GSE1: variants seen among roughly 807,000 people sequenced by gnomAD.
GSE1 encodes the protein genetic suppressor element 1.
A neutral mutation model predicts 112.6 loss-of-function variants in GSE1; 32 were observed. The observed-to-expected ratio is 0.28, with a 90% CI of 0.21 to 0.38. GSE1 has a LOEUF of 0.38. GSE1 is among the 10% of genes least tolerant of loss of function. The probability of loss-of-function intolerance (pLI) is 1.00; values close to 1 mark genes in which losing one functional copy is unlikely to be tolerated. For missense variants in GSE1, 2,348 were observed against 1,699.2 expected (o/e 1.38, Z -6.71); for synonymous variants, 1,115 against 735.6 (o/e 1.52, Z -8.35).
intron 2 of GSE1, among the ~76,000 whole-genome samples, chr16:85,498,412 GACACACAGAC>G (rs2051252731): frequency 6.6e-6 from 1 of 151,498 alleles, no homozygotes; most frequent in South Asian, 2.1e-4. Flanking sequence ...CATACATCCA[GACACACAGAC>G]ACACACGGAC....
In GSE1 at chr16:85,666,231, C is replaced by G. The variant is rs1213979265; in HGVS notation, c.3014C>G (p.Ser1005Cys). The change falls in exon 13 of 16, where the codon TCC becomes TGC. Residue 1005 changes from serine (S) to cysteine (C), a missense_variant. Coordinates refer to ENST00000253458, the MANE Select transcript of GSE1 (RefSeq NM_014615.5). Reference sequence around the variant, plus strand: ...CCCAAGGACATTCCTGTGCCGCTGTCCCACAGCACCAATGGGAAGAGCAAG... The same window carrying G: ...CCCAAGGACATTCCTGTGCCGCTGTGCCACAGCACCAATGGGAAGAGCAAG... ...AAPKDIPVPL[S>C]HSTNGKSKPW... 3.1e-6 allele frequency: 5 copies of G among 1,613,770 alleles called. No homozygotes were observed. In the South Asian group the frequency reaches 4.4e-5, roughly 14 times the overall value.
chr16:85,671,037 G>T lies in GSE1; in HGVS notation c.3458G>T (p.Arg1153Leu). 1.2e-6 allele frequency: 2 copies of T among 1,612,968 alleles called. No individual in the cohort carries two copies. Among genetic ancestry groups the T allele is most frequent in the South Asian group, 1.1e-5 (1 of 91,016 alleles). ...ERQVLQTQCR[R>L]LEARHYSLSL... ...CAGGTGTTACAGACACAATGTAGAC[G>T]ACTGGAGGCCCGGCACTACAGCCTC... is the stretch of plus-strand genomic sequence containing the variant. Residue 1153 changes from arginine to leucine, a missense_variant, in exon 15 of 16, where the codon CGA becomes CTA. Physicochemically the swap from Arg to Leu is moderately radical, Grantham distance 102 (BLOSUM62 -2). Transcript: ENST00000253458.
At chr16:85,487,624 A>G (rs2050883495) in intron 2 of GSE1, among the ~76,000 whole-genome samples, 1 of 152,154 alleles carries the variant, frequency 6.6e-6, no homozygotes, top group Non-Finnish European at 1.5e-5. Flanking sequence ...TCTCGAATCC[A>G]GGTCCCCAAG....
At chr16:85,667,822 C>T (rs1183739352) in intron 13 of GSE1, among the ~76,000 whole-genome samples, 2 of 152,186 alleles carry the variant, frequency 1.3e-5, no homozygotes, top group African/African-American at 4.8e-5. Context: ...CACGCCATTT[C>T]TCTCCAGCCT....
At chr16:85,597,843 C>T (rs1197696576) in intron 1 of GSE1, among the ~76,000 whole-genome samples, 6 of 152,204 alleles carry the variant, frequency 3.9e-5, no homozygotes, top group Non-Finnish European at 1.5e-5. Context: ...TTTGCATTCG[C>T]TCTGTAGGAG....
intron 2 of GSE1, among the ~76,000 whole-genome samples, chr16:85,636,742 C>T (rs556430119): frequency 4.1e-4 from 63 of 152,190 alleles, no homozygotes; most frequent in Non-Finnish European, 7.2e-4. Flanking sequence ...GTGGTCCCGG[C>T]GGTCCCTGCT....
chr16:85,182,774 G>C (rs1438463205), intron 1 of GSE1, among the ~76,000 whole-genome samples: 1 of 152,124 alleles, frequency 6.6e-6, no homozygotes, highest in Non-Finnish European at 1.5e-5. Flanking sequence ...GGGAGGGACA[G>C]TGGATTGTTG....
intron 1 of GSE1, among the ~76,000 whole-genome samples, chr16:85,568,840 C>T (rs538149260): frequency 3.9e-5 from 6 of 152,178 alleles, no homozygotes; most frequent in Non-Finnish European, 7.3e-5. Flanking sequence ...GGGTTCACAG[C>T]GGTCTGTTCT....
chr16:85,213,635 T>C (rs2143680015), intron 1 of GSE1, among the ~76,000 whole-genome samples: 1 of 152,342 alleles, frequency 6.6e-6, no homozygotes, highest in Non-Finnish European at 1.5e-5. Flanking sequence ...CCGTGTGTGA[T>C]AGTCAGCAAG....
chr16:85,213,765 G>A lies in GSE1; in HGVS notation c.2283+41958G>A, dbSNP rs546938393. ...TTGAACTGAGCTCAGGCTCTGAGCC[G>A]ATTCTCAAAGAGTGAAGAACATTGA... On this transcript the variant is annotated intron_variant, in intron 1 of 2. Transcript: ENST00000637419. Among the ~76,000 whole-genome samples the A allele has an allele frequency of 3.0e-4, 46 of 152,344 alleles. No individual in the cohort carries two copies. In the South Asian group the frequency reaches 7.7e-3, roughly 25 times the overall value.
intron 2 of GSE1, among the ~76,000 whole-genome samples, chr16:85,478,231 A>G (rs1404178141): frequency 2.0e-5 from 3 of 152,112 alleles, no homozygotes; most frequent in African/African-American, 7.2e-5. Flanking sequence ...GCTGAGGAAT[A>G]TTCCATGGCA....
At chr16:85,618,868 T>C (rs1358950825) in intron 1 of GSE1, among the ~76,000 whole-genome samples, 1 of 152,240 alleles carries the variant, frequency 6.6e-6, no homozygotes, top group African/African-American at 2.4e-5. Context: ...CTCACTGTGT[T>C]GCCCAGGGTG....
intron 2 of GSE1, among the ~76,000 whole-genome samples, chr16:85,636,293 C>T (rs13336296): frequency 1.1e-4 from 17 of 152,194 alleles, no homozygotes; most frequent in Non-Finnish European, 2.1e-4. Flanking sequence ...ACCTCACCCC[C>T]TATTGAGCTG....
intron 1 of GSE1, among the ~76,000 whole-genome samples, chr16:85,228,741 T>C (rs1376854075): frequency 6.6e-6 from 1 of 151,776 alleles, no homozygotes; most frequent in African/African-American, 2.4e-5. Context: ...CTTTGGAAAA[T>C]GAGAGGGCCA....
At chr16:85,438,656 TCCCAG>T (rs1370877698) in intron 2 of GSE1, among the ~76,000 whole-genome samples, 1 of 152,208 alleles carries the variant, frequency 6.6e-6, no homozygotes, top group African/African-American at 2.4e-5. Context: ...AGCCTGCGTG[TCCCAG>T]CCACAGCCTC....
chr16:85,485,699 G>A (rs1193950933), intron 2 of GSE1, among the ~76,000 whole-genome samples: 3 of 152,244 alleles, frequency 2.0e-5, no homozygotes, highest in Non-Finnish European at 2.9e-5. Flanking sequence ...GCGCCGAGGC[G>A]GCCGGCTGTG....
chr16:85,489,232 G>A (rs1350506021), intron 2 of GSE1, among the ~76,000 whole-genome samples: 1 of 152,078 alleles, frequency 6.6e-6, no homozygotes, highest in Non-Finnish European at 1.5e-5. Flanking sequence ...TCTGGAGTCA[G>A]AGACCCTCTC....
chr16:85,611,117 A>T (rs2047952016), upstream of GSE1, among the ~76,000 whole-genome samples: 1 of 152,210 alleles, frequency 6.6e-6, no homozygotes, highest in Non-Finnish European at 1.5e-5. Context: ...CTACCCGGCC[A>T]GGTGCGAGAG....
chr16:85,367,100 C>T (rs895750384), intron 2 of GSE1, among the ~76,000 whole-genome samples: 5 of 152,210 alleles, frequency 3.3e-5, no homozygotes, highest in African/African-American at 4.8e-5. Flanking sequence ...TTCCCCTGAC[C>T]GGTCCAAGCT....
Sources: gnomAD v4.1 joint callset for allele counts (sites outside exome capture counted in the v4.1 genomes callset) on GRCh38, gnomAD v4.1.1 for gene constraint, MANE v1.5 for transcripts, NCBI Gene and HGNC (gene_info 2026-07-23, HGNC 2026-07-21) for gene names.